The following GATB variants were observed in gnomAD, a reference collection of about 807,000 sequenced individuals.
GATB encodes glutamyl-tRNA(Gln) amidotransferase subunit B, mitochondrial.
In GATB, 39 loss-of-function variants were observed where a neutral mutation model predicts 62.3. The observed-to-expected ratio is 0.63, with a 90% CI of 0.48 to 0.82. The LOEUF (loss-of-function observed/expected upper bound fraction) is 0.82, where lower values mean the gene tolerates loss of function less well. Among genes scored for constraint, GATB ranks in the 40% least tolerant of loss-of-function variants. The pLI, the probability that GATB is intolerant of heterozygous loss-of-function variation, is 0.00. For missense variants in GATB, 670 were observed against 684.0 expected, an observed-to-expected ratio of 0.98 and a Z score of 0.23; for synonymous variants, 276 against 258.9, an observed-to-expected ratio of 1.07 and a Z score of -0.63.
chr4:151,735,448 T>G (rs1023569662), intron 2 of GATB, among the ~76,000 whole-genome samples: 1 of 151,908 alleles, frequency 6.6e-6, no homozygotes, highest in Admixed American at 6.6e-5. Flanking sequence ...ACAGTAGATG[T>G]TGGCCTGGAT....
chr4:151,688,801 C>T, intron 9 of GATB, 38 bp from the exon 10 acceptor site: 1 of 1,558,626 alleles, frequency 6.4e-7, no homozygotes. Context: ...ATAAAGCCTC[C>T]CCAAAAATGA....
intron 5 of GATB, among the ~76,000 whole-genome samples, chr4:151,715,167 T>G (rs1479460361): frequency 6.6e-6 from 1 of 152,244 alleles, no homozygotes; most frequent in African/African-American, 2.4e-5. Flanking sequence ...CCTGGGCACC[T>G]GCTGTGACCA....
In GATB at chr4:151,714,037, ATAT is replaced by A. The variant is rs543072467; in HGVS notation, c.763+1969_763+1971del. ...ATATATTAAATGTTCCAACTGATAG[ATAT>A]TATTATCGTTGAAACACTTAGCATG... On this transcript the variant is annotated intron_variant, in intron 5 of 12. Transcript: ENST00000263985. 1.2e-3 allele frequency among the ~76,000 whole-genome samples: 184 copies of A among 152,336 alleles called. 1 individual carries two copies. The highest frequency in any genetic ancestry group is 4.1e-3 in the African/African-American group (169 of 41,562).
chr4:151,739,312 C>A (rs887125009), intron 2 of GATB, among the ~76,000 whole-genome samples: 5 of 152,170 alleles, frequency 3.3e-5, no homozygotes, highest in Non-Finnish European at 2.9e-5. Flanking sequence ...AATCCTCTGC[C>A]ATGAGGAACA....
At chr4:151,705,358 TAA>T (rs986913608) in intron 6 of GATB, 89 bp from the exon 7 acceptor site, 4 of 749,254 alleles carry the variant, frequency 5.3e-6, no homozygotes, top group East Asian at 5.5e-5. Context: ...TCTCAATCTC[TAA>T]GTTAAAAAAA....
intron 6 of GATB, among the ~76,000 whole-genome samples, chr4:151,706,472 C>T (rs555985955): frequency 2.0e-5 from 3 of 152,362 alleles, no homozygotes; most frequent in South Asian, 2.1e-4. Flanking sequence ...AGGCTTCCTC[C>T]TCACCAACTT....
intron 5 of GATB, among the ~76,000 whole-genome samples, chr4:151,708,455 G>C (rs1163598291): frequency 6.6e-6 from 1 of 152,166 alleles, no homozygotes; most frequent in Non-Finnish European, 1.5e-5. Flanking sequence ...GATTGACTCT[G>C]CAGTTTTATA....
intron 3 of GATB, among the ~76,000 whole-genome samples, chr4:151,718,097 T>C (rs951171263): frequency 3.3e-5 from 5 of 152,192 alleles, no homozygotes; most frequent in Non-Finnish European, 7.3e-5. Context: ...ACAGACTGCT[T>C]GGCCCGACCT....
intron 2 of GATB, among the ~76,000 whole-genome samples, chr4:151,745,171 A>G (rs1739570836): frequency 6.6e-6 from 1 of 152,252 alleles, no homozygotes; most frequent in South Asian, 2.1e-4. Context: ...CTTCTTAAAT[A>G]GCTAAACATC....
chr4:151,727,328 C>T (rs1341783695), intron 2 of GATB, among the ~76,000 whole-genome samples: 1 of 152,216 alleles, frequency 6.6e-6, no homozygotes, highest in African/African-American at 2.4e-5. Flanking sequence ...CCTAGGTCCA[C>T]CCCTAATATG....
At chr4:151,679,960 G>T in intron 10 of GATB, 69 bp from the exon 11 acceptor site, 1 of 1,388,404 alleles carries the variant, frequency 7.2e-7, no homozygotes, top group Non-Finnish European at 1.0e-6. Context: ...ATGGCTGTTC[G>T]GAATCAGAAC....
At position 151,703,867 on chromosome 4, in the gene GATB, C is replaced by T. The variant is rs1738655169; in HGVS notation, c.991G>A (p.Gly331Arg). 2.5e-6 allele frequency: 4 copies of T among 1,606,848 alleles called. No homozygotes were observed. The highest frequency in any genetic ancestry group is 3.4e-6 in the Non-Finnish European group (4 of 1,173,494). ...GCTMSMRDKE[G>R]KQDYRFMPEP... ...AGTAACCACCTGTAGTCCTGTTTTC[C>T]TTCTTTGTCTCTCATTGACATGGTG... The change falls in exon 8 of 13, where the codon GGA becomes AGA. Residue 331 changes from glycine (G) to arginine (R), a missense_variant. By Grantham distance (125) the Gly-to-Arg change is moderately radical (BLOSUM62 -2). Coordinates refer to ENST00000263985, the MANE Select transcript of GATB (RefSeq NM_004564.3).
chr4:151,696,973 C>T (rs986471686), intron 9 of GATB, among the ~76,000 whole-genome samples: 2 of 152,162 alleles, frequency 1.3e-5, no homozygotes, highest in East Asian at 3.8e-4. Context: ...CATTTCTATT[C>T]TTTAATCTTT....
At chr4:151,756,445 A>G (rs1739830792) in intron 2 of GATB, among the ~76,000 whole-genome samples, 1 of 152,198 alleles carries the variant, frequency 6.6e-6, no homozygotes, top group Admixed American at 6.5e-5. Flanking sequence ...TAATTCTGGG[A>G]GTTTGGGTAT....
intron 2 of GATB, among the ~76,000 whole-genome samples, chr4:151,739,465 C>T (rs1461509978): frequency 6.6e-6 from 1 of 152,164 alleles, no homozygotes; most frequent in East Asian, 1.9e-4. Flanking sequence ...AAAAAACTCC[C>T]CAAGATGCCG....
intron 2 of GATB, among the ~76,000 whole-genome samples, chr4:151,754,089 ACACT>A (rs1252911081): frequency 1.3e-5 from 2 of 152,116 alleles, no homozygotes; most frequent in African/African-American, 2.4e-5. Context: ...CCTTCTCAAA[ACACT>A]CACTTCCTTG....
At chr4:151,694,542 C>T (rs1441992894) in intron 9 of GATB, among the ~76,000 whole-genome samples, 2 of 152,204 alleles carry the variant, frequency 1.3e-5, no homozygotes. Context: ...CACCCTTAGG[C>T]TAGCAAGCAC....
At chr4:151,753,230 G>C in intron 2 of GATB, among the ~76,000 whole-genome samples, 1 of 152,128 alleles carries the variant, frequency 6.6e-6, no homozygotes, top group East Asian at 1.9e-4. Flanking sequence ...TATGGGGGTA[G>C]GGCAGCTGCA....
At chr4:151,716,763 C>T (rs1252028718) in intron 4 of GATB, 113 bp downstream of exon 4, 3 of 914,522 alleles carry the variant, frequency 3.3e-6, no homozygotes, top group African/African-American at 3.3e-5. Context: ...ATCTATCAGG[C>T]TCCTGTGACT....
Sources: allele counts gnomAD v4.1 joint callset (sites outside exome capture counted in the v4.1 genomes callset), GRCh38; gene constraint gnomAD v4.1.1; transcripts MANE v1.5; gene names NCBI Gene and HGNC (gene_info 2026-07-23, HGNC 2026-07-21).